The following FRMD4A variants were observed in gnomAD, a reference collection of about 807,000 sequenced individuals.
The protein encoded by FRMD4A is FERM domain-containing protein 4A.
FRMD4A carries 29 observed loss-of-function variants against 129.1 expected under a neutral mutation model. The ratio of observed to expected loss-of-function variants is 0.22; its 90% confidence interval spans 0.17 to 0.31. FRMD4A has a LOEUF of 0.31. Ranked by LOEUF, FRMD4A falls within the 10% of genes least tolerant of loss-of-function variation. The pLI, the probability that FRMD4A is intolerant of heterozygous loss-of-function variation, is 1.00. For missense variants in FRMD4A, 1,272 were observed against 1,375.8 expected (o/e 0.92, Z 1.19); for synonymous variants, 634 against 571.6 (o/e 1.11, Z -1.56).
intron 3 of FRMD4A, among the ~76,000 whole-genome samples, chr10:13,854,703 A>G (rs1459049439): frequency 6.6e-6 from 1 of 151,346 alleles, no homozygotes; most frequent in African/African-American, 2.4e-5. Flanking sequence ...AAGTGCTGGG[A>G]TTACAGGTGT....
intron 4 of FRMD4A, among the ~76,000 whole-genome samples, chr10:13,803,213 G>C (rs1372215496): frequency 6.6e-6 from 1 of 151,474 alleles, no homozygotes; most frequent in African/African-American, 2.4e-5. Flanking sequence ...AATAATACAG[G>C]AAGGTTAAAG....
chr10:13,953,283 C>T (rs2095386244), intron 2 of FRMD4A, among the ~76,000 whole-genome samples: 1 of 152,168 alleles, frequency 6.6e-6, no homozygotes, highest in South Asian at 2.1e-4. Flanking sequence ...TTTCCCATAA[C>T]ATCTACATTT....
intron 3 of FRMD4A, among the ~76,000 whole-genome samples, chr10:13,820,497 C>T (rs985114091): frequency 6.7e-6 from 1 of 148,740 alleles, no homozygotes; most frequent in African/African-American, 2.6e-5. Context: ...GGGCATCTCA[C>T]AGATTCTAAG....
rs756775506 is a variant in FRMD4A at position 14,232,915 on chromosome 10, G to A, written c.45+97143C>T. ...CTCTTCCTATTTGGTCTTTTATTTCGTAGTCTTGCCTGATTACTCTGGCTA... is the reference window on the plus strand; with the variant it reads ...CTCTTCCTATTTGGTCTTTTATTTCATAGTCTTGCCTGATTACTCTGGCTA... On this transcript the variant is annotated intron_variant, in intron 2 of 24. Coordinates refer to ENST00000357447, the MANE Select transcript of FRMD4A (RefSeq NM_018027.5). 1.1e-4 allele frequency among the ~76,000 whole-genome samples: 16 copies of A among 152,132 alleles called. No homozygotes were observed. In the Middle Eastern group the frequency reaches 0.01, roughly 97 times the overall value.
At chr10:14,298,742 A>T (rs1846090211) in intron 2 of FRMD4A, among the ~76,000 whole-genome samples, 1 of 152,212 alleles carries the variant, frequency 6.6e-6, no homozygotes, top group South Asian at 2.1e-4. Context: ...TTCAGAAGAC[A>T]GGGAAGAACA....
chr10:14,121,821 A>G (rs1165492500), intron 2 of FRMD4A, among the ~76,000 whole-genome samples: 9 of 152,166 alleles, frequency 5.9e-5, no homozygotes, highest in Admixed American at 5.9e-4. Flanking sequence ...CTTTGAACCT[A>G]GGCTTTCCCA....
chr10:13,752,819 T>C (rs2091690009), intron 8 of FRMD4A, among the ~76,000 whole-genome samples: 1 of 152,202 alleles, frequency 6.6e-6, no homozygotes, highest in South Asian at 2.1e-4. Flanking sequence ...AAGAAACATT[T>C]CTTAACCCAT....
intron 2 of FRMD4A, among the ~76,000 whole-genome samples, chr10:13,944,514 A>G (rs2095317462): frequency 6.6e-6 from 1 of 152,122 alleles, no homozygotes; most frequent in East Asian, 1.9e-4. Flanking sequence ...TAATGTGCTT[A>G]AATCATCCTG....
intron 2 of FRMD4A, among the ~76,000 whole-genome samples, chr10:14,280,035 A>G (rs1179480588): frequency 6.6e-6 from 1 of 152,188 alleles, no homozygotes; most frequent in Non-Finnish European, 1.5e-5. Context: ...GCCATGTTAC[A>G]GGACGTGATG....
chr10:14,201,261 G>A (rs753229341), intron 2 of FRMD4A, among the ~76,000 whole-genome samples: 1 of 152,170 alleles, frequency 6.6e-6, no homozygotes, highest in African/African-American at 2.4e-5. Flanking sequence ...CTGCAACAGC[G>A]GCCTCTTTGA....
chr10:14,192,027 G>C (rs996782847), intron 2 of FRMD4A, among the ~76,000 whole-genome samples: 2 of 152,072 alleles, frequency 1.3e-5, no homozygotes, highest in Admixed American at 1.3e-4. Flanking sequence ...GGTCTTAACT[G>C]ACCACACTTT....
At chr10:14,045,754 A>G (rs1833965158) in intron 2 of FRMD4A, among the ~76,000 whole-genome samples, 1 of 145,740 alleles carries the variant, frequency 6.9e-6, no homozygotes, top group South Asian at 2.1e-4. Context: ...GACATATATA[A>G]TGTAAAGTAT....
intron 12 of FRMD4A, among the ~76,000 whole-genome samples, chr10:13,735,497 T>C (rs1190982173): frequency 1.3e-5 from 2 of 152,240 alleles, no homozygotes; most frequent in Non-Finnish European, 2.9e-5. Flanking sequence ...ATAGTTATAA[T>C]TGACTGAGCC....
chr10:13,989,994 T>G (rs2095597694), intron 2 of FRMD4A, among the ~76,000 whole-genome samples: 1 of 152,234 alleles, frequency 6.6e-6, no homozygotes. Flanking sequence ...GGTCTCACTC[T>G]AGGTTAGACC....
chr10:13,695,148 ATTT>A (rs34942226), intron 14 of FRMD4A, among the ~76,000 whole-genome samples: 2 of 147,420 alleles, frequency 1.4e-5, no homozygotes, highest in African/African-American at 5.0e-5. Flanking sequence ...TCAAAAAAAA[ATTT>A]TTTTTTTTTT....
chr10:14,118,674 A>G (rs1287326462), intron 2 of FRMD4A, among the ~76,000 whole-genome samples: 1 of 152,234 alleles, frequency 6.6e-6, no homozygotes, highest in Non-Finnish European at 1.5e-5. Flanking sequence ...TGTCTTACAC[A>G]GTGGCCGGCA....
chr10:13,975,898 G>A (rs1422777203), intron 2 of FRMD4A, among the ~76,000 whole-genome samples: 1 of 152,116 alleles, frequency 6.6e-6, no homozygotes, highest in Admixed American at 6.5e-5. Context: ...GACCTGGACC[G>A]GTCTAACTCC....
At chr10:13,684,521 C>T (rs1179064485) in intron 15 of FRMD4A, 2 of 985,356 alleles carry the variant, frequency 2.0e-6, no homozygotes, top group Non-Finnish European at 2.4e-6. Context: ...GCAGCACAAA[C>T]AGCAGCTCTC....
intron 2 of FRMD4A, among the ~76,000 whole-genome samples, chr10:13,958,446 G>A (rs1197805898): frequency 6.6e-6 from 1 of 151,626 alleles, no homozygotes; most frequent in Non-Finnish European, 1.5e-5. Flanking sequence ...ACCATGCCTG[G>A]CTAATTTTTT....
Sources: gnomAD v4.1 joint callset for allele counts (sites outside exome capture counted in the v4.1 genomes callset) on GRCh38, gnomAD v4.1.1 for gene constraint, MANE v1.5 for transcripts, NCBI Gene and HGNC (gene_info 2026-07-23, HGNC 2026-07-21) for gene names.